GOLIM4: variants seen among roughly 807,000 people sequenced by gnomAD.
GOLIM4 encodes 130 kDa golgi-localized phosphoprotein.
In GOLIM4, 71 loss-of-function variants were observed where a neutral mutation model predicts 107.4. The ratio of observed to expected loss-of-function variants is 0.66; its 90% confidence interval spans 0.55 to 0.81. The LOEUF is 0.81. Among genes scored for constraint, GOLIM4 ranks in the 30% least tolerant of loss-of-function variants. GOLIM4 has a pLI of 0.00. For missense variants in GOLIM4, 830 were observed against 826.1 expected (o/e 1.00, Z -0.06); for synonymous variants, 327 against 294.8 (o/e 1.11, Z -1.12).
chr3:168,009,442 A>AAAAAAAAAAAAAAAAAAAAAAAAAAAAG lies in GOLIM4; in HGVS notation c.*826_*827insCTTTTTTTTTTTTTTTTTTTTTTTTTTT. ...CAATGGCTTCAAACAAAAAAAAAAA[A>AAAAAAAAAAAAAAAAAAAAAAAAAAAAG]AAAAAATTGAGAATGGGTGCTCGCA... On this transcript the variant is annotated 3_prime_UTR_variant, in exon 16 of 16. Coordinates refer to ENST00000470487, the MANE Select transcript of GOLIM4 (RefSeq NM_014498.5). 6.7e-6 allele frequency: 1 copy of AAAAAAAAAAAAAAAAAAAAAAAAAAAAG among 149,442 alleles called. No individual in the cohort carries two copies. The highest frequency in any genetic ancestry group is 1.5e-5 in the Non-Finnish European group (1 of 67,176). 9.3% of individuals were successfully genotyped at this position (149,442 alleles called of 1,614,324 possible). A position where few individuals can be genotyped will look rare whatever the true frequency, so the allele number is the denominator to read the frequency against.
intron 1 of GOLIM4, among the ~76,000 whole-genome samples, chr3:168,064,240 T>C (rs192043303): frequency 8.6e-4 from 131 of 152,328 alleles, no homozygotes; most frequent in African/African-American, 3.0e-3. Context: ...TCACTCCCAC[T>C]ACTACACTGT....
At chr3:168,032,461 A>G (rs560067316) in intron 9 of GOLIM4, 59 bp downstream of exon 9, 3 of 1,229,186 alleles carry the variant, frequency 2.4e-6, no homozygotes, top group African/African-American at 3.0e-5. Flanking sequence ...CTTAATATGT[A>G]AAAATAAAGC....
intron 14 of GOLIM4, among the ~76,000 whole-genome samples, chr3:168,017,405 G>A (rs751932171): frequency 2.6e-5 from 4 of 152,158 alleles, no homozygotes; most frequent in Non-Finnish European, 4.4e-5. Context: ...GCAGAGGATC[G>A]ATTGAGCTCT....
intron 1 of GOLIM4, among the ~76,000 whole-genome samples, chr3:168,057,462 T>C (rs987565429): frequency 5.9e-5 from 9 of 152,098 alleles, no homozygotes; most frequent in African/African-American, 1.9e-4. Flanking sequence ...CCTCAGGAAA[T>C]TTACAATCAT....
At chr3:168,040,046 T>A (rs1718895994) in intron 7 of GOLIM4, among the ~76,000 whole-genome samples, 1 of 152,222 alleles carries the variant, frequency 6.6e-6, no homozygotes, top group Non-Finnish European at 1.5e-5. Context: ...CCTTTGTTCT[T>A]TTATCATAAT....
At chr3:168,070,912 G>T (rs1428857586) in intron 1 of GOLIM4, among the ~76,000 whole-genome samples, 1 of 152,070 alleles carries the variant, frequency 6.6e-6, no homozygotes, top group Non-Finnish European at 1.5e-5. Context: ...TGTTAGTGGG[G>T]GTTTTCTACT....
At chr3:168,011,128 G>A (rs548436513) in intron 14 of GOLIM4, among the ~76,000 whole-genome samples, 1 of 151,664 alleles carries the variant, frequency 6.6e-6, no homozygotes, top group East Asian at 1.9e-4. Flanking sequence ...TCCATCTGAG[G>A]TACCAGGTTC....
At chr3:168,091,262 T>C (rs993560121) in intron 1 of GOLIM4, among the ~76,000 whole-genome samples, 2 of 152,230 alleles carry the variant, frequency 1.3e-5, no homozygotes, top group Admixed American at 1.3e-4. Context: ...GGTTTCTCCT[T>C]ATCCCTGGAA....
At chr3:168,070,821 A>G (rs1432252201) in intron 1 of GOLIM4, among the ~76,000 whole-genome samples, 1 of 152,258 alleles carries the variant, frequency 6.6e-6, no homozygotes, top group African/African-American at 2.4e-5. Context: ...TTGTGATTAA[A>G]GATCAAATCC....
chr3:168,064,246 A>G (rs28706469), intron 1 of GOLIM4, among the ~76,000 whole-genome samples: 15,135 of 152,120 alleles, frequency 0.099, 2,490 homozygotes, highest in African/African-American at 0.35. Context: ...CCACTACTAC[A>G]CTGTGGGGCT....
rs1719684867 is a variant in GOLIM4 at position 168,052,184 on chromosome 3, T to C, written c.188-3819A>G. 2.6e-5 allele frequency among the ~76,000 whole-genome samples: 4 copies of C among 152,302 alleles called. No individual in the cohort carries two copies. In the Middle Eastern group the frequency reaches 0.01, roughly 389 times the overall value. On this transcript the variant is annotated intron_variant, in intron 1 of 15. Coordinates refer to ENST00000470487, the MANE Select transcript of GOLIM4 (RefSeq NM_014498.5). ...AATGTCAGAGTTAAATGAGTTCATATATATCAAGTGCTTAGAATACTGCCT... is the reference window on the plus strand; with the variant it reads ...AATGTCAGAGTTAAATGAGTTCATACATATCAAGTGCTTAGAATACTGCCT...
At chr3:168,055,586 CAGGAGA>C (rs1719905274) in intron 1 of GOLIM4, among the ~76,000 whole-genome samples, 2 of 152,082 alleles carry the variant, frequency 1.3e-5, no homozygotes, top group Non-Finnish European at 2.9e-5. Context: ...ATCATGAGGT[CAGGAGA>C]TCAAGACCAT....
At chr3:168,018,097 C>T (rs1245557002) in intron 14 of GOLIM4, among the ~76,000 whole-genome samples, 1 of 152,120 alleles carries the variant, frequency 6.6e-6, no homozygotes, top group African/African-American at 2.4e-5. Context: ...AACTGCTGAA[C>T]ATCGGTTAAG....
chr3:168,010,779 AT>A lies in GOLIM4; in HGVS notation c.1904del (p.His635LeufsTer83). 6.2e-7 allele frequency: 1 copy of A among 1,612,596 alleles called. No homozygotes were observed. On this transcript the variant is annotated frameshift_variant, in exon 15 of 16. Coordinates refer to ENST00000470487, the MANE Select transcript of GOLIM4 (RefSeq NM_014498.5). LOFTEE classifies it low-confidence loss of function (END_TRUNC). Reference sequence around the variant, plus strand: ...TTTCACCATAGGTCTCTTCAGCATTATGCTCCAGTTCCCTTTTTTTCTCTTC... The same window carrying A: ...TTTCACCATAGGTCTCTTCAGCATTAGCTCCAGTTCCCTTTTTTTCTCTTC... ...LTEEKKRELE[H>X]NAEETYGEND...
At position 168,009,426 on chromosome 3, in the gene GOLIM4, C is replaced by CAGACAAAAAAAAAAAAAAAAA. The variant is rs201375757; in HGVS notation, c.*842_*843insTTTTTTTTTTTTTTTTTGTCT. 1 of 8,734 alleles carries CAGACAAAAAAAAAAAAAAAAA rather than the reference C, an allele frequency of 1.1e-4. No homozygotes were observed. Among genetic ancestry groups the CAGACAAAAAAAAAAAAAAAAA allele is most frequent in the Admixed American group, 1.9e-3 (1 of 530 alleles). The allele number at this position is 8,734 out of a possible 1,614,324, so 0.5% of individuals were successfully genotyped here. On this transcript the variant is annotated 3_prime_UTR_variant, in exon 16 of 16. Transcript: ENST00000470487. ...AAACAAGAATATCAATCAATGGCTT[C>CAGACAAAAAAAAAAAAAAAAA]AAACAAAAAAAAAAAAAAAAAATTG...
At chr3:168,027,308 T>C (rs1718046513) in intron 12 of GOLIM4, among the ~76,000 whole-genome samples, 1 of 152,150 alleles carries the variant, frequency 6.6e-6, no homozygotes. Context: ...TACCTAACAC[T>C]CTAGCAGACT....
intron 9 of GOLIM4, among the ~76,000 whole-genome samples, chr3:168,031,437 A>G (rs982321184): frequency 2.6e-5 from 4 of 152,206 alleles, no homozygotes; most frequent in African/African-American, 9.6e-5. Flanking sequence ...GAATGTTTCA[A>G]AATATCGCCC....
Position 168,071,136 on chromosome 3 carries a change from G to A in GOLIM4, c.188-22771C>T, listed in dbSNP as rs369470760. On this transcript the variant is annotated intron_variant, in intron 1 of 15. Transcript: ENST00000470487. ...ATGACTTAATGAAGGCTTCCAGCTCGCATCCCATCGTCAGTGATTTTTAAC... is the reference window on the plus strand; with the variant it reads ...ATGACTTAATGAAGGCTTCCAGCTCACATCCCATCGTCAGTGATTTTTAAC... Among the ~76,000 whole-genome samples the A allele has an allele frequency of 2.6e-5, 4 of 152,124 alleles. No homozygotes were observed. The East Asian group carries it at 7.7e-4, about 29-fold the overall frequency.
intron 1 of GOLIM4, among the ~76,000 whole-genome samples, chr3:168,082,003 G>C (rs901791799): frequency 6.6e-6 from 1 of 152,118 alleles, no homozygotes; most frequent in Non-Finnish European, 1.5e-5. Context: ...TGTCTAGAGG[G>C]GGTTCATGGA....
Sources: gnomAD v4.1 joint callset for allele counts (sites outside exome capture counted in the v4.1 genomes callset) on GRCh38, gnomAD v4.1.1 for gene constraint, MANE v1.5 for transcripts, NCBI Gene and HGNC (gene_info 2026-07-23, HGNC 2026-07-21) for gene names.